Variants in ATP6V1H observed in about 807,000 individuals in gnomAD.
The protein encoded by ATP6V1H is V-type proton ATPase subunit H.
ATP6V1H carries 39 observed loss-of-function variants against 71.7 expected under a neutral mutation model. The ratio of observed to expected loss-of-function variants is 0.54; its 90% confidence interval spans 0.42 to 0.71. The LOEUF is 0.71. Among genes scored for constraint, ATP6V1H ranks in the 30% least tolerant of loss-of-function variants. The pLI, the probability that ATP6V1H is intolerant of heterozygous loss-of-function variation, is 0.00. For synonymous variants in ATP6V1H, 192 were observed against 199.3 expected (o/e 0.96, Z 0.31); for missense variants, 509 against 594.9 (o/e 0.86, Z 1.50).
chr8:53,837,381 C>A (rs1245170264), intron 2 of ATP6V1H, among the ~76,000 whole-genome samples: 1 of 152,098 alleles, frequency 6.6e-6, no homozygotes, highest in African/African-American at 2.4e-5. Flanking sequence ...TAAATAGGGA[C>A]CCCTCTTTTC....
chr8:53,839,767 C>CT (rs1221647202), intron 2 of ATP6V1H: 1 of 985,308 alleles, frequency 1.0e-6, no homozygotes, highest in Non-Finnish European at 1.2e-6. Flanking sequence ...GGGACACACA[C>CT]TCCCACCTCC....
intron 11 of ATP6V1H, among the ~76,000 whole-genome samples, chr8:53,760,281 A>G (rs186488999): frequency 2.0e-5 from 3 of 152,196 alleles, no homozygotes; most frequent in Non-Finnish European, 4.4e-5. Flanking sequence ...TGCTCAACTG[A>G]TAAGGGAAAA....
intron 13 of ATP6V1H, among the ~76,000 whole-genome samples, chr8:53,732,779 C>T (rs1048929700): frequency 6.6e-6 from 1 of 151,928 alleles, no homozygotes; most frequent in Admixed American, 6.6e-5. Flanking sequence ...CCAGAGGTAA[C>T]AGAAATTCTC....
intron 9 of ATP6V1H, among the ~76,000 whole-genome samples, chr8:53,789,010 A>G (rs1809476755): frequency 6.6e-6 from 1 of 152,240 alleles, no homozygotes; most frequent in Admixed American, 6.5e-5. Context: ...ATTCTATCTT[A>G]TGCATCTTTC....
intron 7 of ATP6V1H, among the ~76,000 whole-genome samples, chr8:53,804,982 C>T (rs1483273228): frequency 6.6e-6 from 1 of 152,128 alleles, no homozygotes; most frequent in Non-Finnish European, 1.5e-5. Context: ...TGAATGTGGT[C>T]TCAGAGATCC....
At chr8:53,810,484 G>C (rs1363819364) in intron 7 of ATP6V1H, among the ~76,000 whole-genome samples, 1 of 152,228 alleles carries the variant, frequency 6.6e-6, no homozygotes, top group African/African-American at 2.4e-5. Flanking sequence ...GCTCATGCCT[G>C]TAATCCCAGC....
intron 12 of ATP6V1H, among the ~76,000 whole-genome samples, chr8:53,748,471 C>G (rs1807683977): frequency 1.3e-5 from 2 of 152,166 alleles, no homozygotes; most frequent in South Asian, 4.1e-4. Flanking sequence ...GAAATGTTCA[C>G]ACAGATGTTA....
intron 2 of ATP6V1H, chr8:53,839,574 G>A: frequency 1.0e-6 from 1 of 978,538 alleles, no homozygotes; most frequent in Non-Finnish European, 1.2e-6. Context: ...CAATACCTTG[G>A]TTACTGCTAT....
chr8:53,773,127 TTTTC>T lies in ATP6V1H; in HGVS notation c.871-964_871-961del, dbSNP rs906514378. Reference sequence around the variant, plus strand: ...GTACCCTGAGAGTAGTTTGCCTTATTTTTCTTTCTATCACAAGTGCTTGGCTCAG... The same window carrying T: ...GTACCCTGAGAGTAGTTTGCCTTATTTTTCTATCACAAGTGCTTGGCTCAG... On this transcript the variant is annotated intron_variant, in intron 9 of 13. Transcript: ENST00000359530. Among the ~76,000 whole-genome samples the T allele has an allele frequency of 1.1e-4, 16 of 152,298 alleles. No homozygotes were observed. The South Asian group carries it at 1.2e-3, about 12-fold the overall frequency.
intron 13 of ATP6V1H, 69 bp from the exon 14 acceptor site, chr8:53,716,093 C>T (rs914405725): frequency 2.0e-5 from 24 of 1,199,964 alleles, no homozygotes; most frequent in East Asian, 7.4e-5. Context: ...AAAATTGAAA[C>T]ACATTATGCA....
chr8:53,796,957 T>C (rs1047644878), intron 8 of ATP6V1H, among the ~76,000 whole-genome samples: 1 of 152,278 alleles, frequency 6.6e-6, no homozygotes, highest in Non-Finnish European at 1.5e-5. Context: ...AGTTCACTAA[T>C]TGTTTTTAAT....
At chr8:53,798,156 G>A (rs1809801058) in intron 8 of ATP6V1H, among the ~76,000 whole-genome samples, 1 of 152,146 alleles carries the variant, frequency 6.6e-6, no homozygotes, top group Non-Finnish European at 1.5e-5. Flanking sequence ...GTTGTATTAT[G>A]TATATAATAG....
intron 10 of ATP6V1H, among the ~76,000 whole-genome samples, chr8:53,770,845 T>C (rs1225237689): frequency 1.3e-5 from 2 of 152,228 alleles, no homozygotes; most frequent in Non-Finnish European, 2.9e-5. Context: ...TTAATAAACA[T>C]AGGAACAGAA....
At chr8:53,800,937 T>A (rs1420282642) in intron 8 of ATP6V1H, among the ~76,000 whole-genome samples, 3 of 152,178 alleles carry the variant, frequency 2.0e-5, no homozygotes, top group Non-Finnish European at 4.4e-5. Flanking sequence ...TAAACAAGAA[T>A]GGACTGAAAT....
intron 11 of ATP6V1H, among the ~76,000 whole-genome samples, chr8:53,761,491 T>G (rs1391737949): frequency 6.6e-6 from 1 of 152,214 alleles, no homozygotes; most frequent in African/African-American, 2.4e-5. Context: ...AAAGTCTCTT[T>G]AAGTGTATCA....
rs548030389 is a variant in ATP6V1H at position 53,826,410 on chromosome 8, C to T, written c.306+3034G>A. Among the ~76,000 whole-genome samples, 78 of 152,294 alleles carry T rather than the reference C, an allele frequency of 5.1e-4. No individual in the cohort carries two copies. The South Asian group carries it at 7.9e-3, about 15-fold the overall frequency. On this transcript the variant is annotated intron_variant, in intron 4 of 13. Transcript: ENST00000359530. ...GAACCAACCACAATGTCCATCATTA[C>T]ATCAGAGGCTGAGTGAACTATGGTA...
At chr8:53,736,930 G>A (rs1807224703) in intron 13 of ATP6V1H, among the ~76,000 whole-genome samples, 1 of 152,186 alleles carries the variant, frequency 6.6e-6, no homozygotes, top group South Asian at 2.1e-4. Flanking sequence ...TGACGTAACC[G>A]CTTGTATTAT....
chr8:53,755,937 T>A (rs1169120157), intron 12 of ATP6V1H, among the ~76,000 whole-genome samples: 15 of 138,678 alleles, frequency 1.1e-4, no homozygotes, highest in Admixed American at 5.8e-4. Context: ...TTTTGTATTT[T>A]TAGTAGAGAC....
intron 13 of ATP6V1H, among the ~76,000 whole-genome samples, chr8:53,717,636 C>T (rs576450375): frequency 1.3e-5 from 2 of 152,100 alleles, no homozygotes; most frequent in East Asian, 3.9e-4. Context: ...CTTTGTTAGA[C>T]AGGAAAAACA....
Sources: allele counts gnomAD v4.1 joint callset (sites outside exome capture counted in the v4.1 genomes callset), GRCh38; gene constraint gnomAD v4.1.1; transcripts MANE v1.5; gene names NCBI Gene and HGNC (gene_info 2026-07-23, HGNC 2026-07-21).